A4GALT: variants seen among roughly 807,000 people sequenced by gnomAD.
A4GALT encodes the protein alpha 1,4-galactosyltransferase (P1PK blood group).
For synonymous variants in A4GALT, 257 were observed against 220.7 expected, an observed-to-expected ratio of 1.16 and a Z score of -1.46; for missense variants, 512 against 486.0, an observed-to-expected ratio of 1.05 and a Z score of -0.50.
chr22:42,702,103 C>G (rs183258602), intron 1 of A4GALT, among the ~76,000 whole-genome samples: 2 of 151,688 alleles, frequency 1.3e-5, no homozygotes, highest in Admixed American at 6.5e-5. Context: ...GTTGGTGTCT[C>G]TCTCTCTCTT....
chr22:42,692,962 G>T lies in A4GALT; in HGVS notation c.990C>A (p.Ser330=). The T allele has an allele frequency of 6.2e-7, 1 of 1,612,550 alleles. No individual in the cohort carries two copies. Residue 330 remains serine (S), a synonymous_variant, in exon 3 of 3, where the codon TCC becomes TCA. Coordinates refer to ENST00000642412, the MANE Select transcript of A4GALT (RefSeq NM_017436.7). This position sits in a 1 kb window ranked among gnomAD's most constrained non-coding sequence, Gnocchi z 4.6. ...KSQGTRFEAT[S]RALLAQLHAR... is the part of the protein sequence containing the mutation. The stretch of plus-strand genomic sequence containing the variant: ...CATGCAGCTGGGCCAGCAGTGCCCT[G>T]GACGTGGCCTCGAACCGCGTGCCCT...
intron 2 of A4GALT, chr22:42,694,782 C>G (rs1035815282): frequency 6.6e-6 from 1 of 152,180 alleles, no homozygotes; most frequent in Non-Finnish European, 1.5e-5. Context: ...GTCTTCCCAC[C>G]GACAGGATAG....
chr22:42,693,654 A>G lies in A4GALT; in HGVS notation c.298T>C (p.Ser100Pro). ...GATTCGGGGTGAGTTCTGGCGGCCG[A>G]CTCCACCGAGCACATGAACAGGAAG... ...PNFLFMCSVESAARTHPESHV... is the reference protein window; with the variant it reads ...PNFLFMCSVEPAARTHPESHV... Residue 100 changes from serine to proline, a missense_variant, in exon 3 of 3, where the codon TCG becomes CCG. Transcript: ENST00000642412. The G allele has an allele frequency of 1.3e-6, 2 of 1,598,992 alleles. No individual in the cohort carries two copies. Among genetic ancestry groups the G allele is most frequent in the Non-Finnish European group, 1.7e-6 (2 of 1,175,460 alleles).
chr22:42,701,923 C>T (rs28915370), intron 1 of A4GALT, among the ~76,000 whole-genome samples: 4 of 152,296 alleles, frequency 2.6e-5, no homozygotes, highest in South Asian at 4.1e-4. Flanking sequence ...TCCCACCCTA[C>T]GTAGTCCACA....
At chr22:42,696,957 CCAA>C (rs1447891849) in intron 1 of A4GALT, among the ~76,000 whole-genome samples, 1 of 151,314 alleles carries the variant, frequency 6.6e-6, no homozygotes, top group African/African-American at 2.4e-5. Flanking sequence ...CCCTGAAATT[CCAA>C]CTCCCCCCAT....
Position 42,694,126 on chromosome 22 carries a change from G to T in A4GALT, c.-46-129C>A, listed in dbSNP as rs1267856911. On this transcript the variant is annotated intron_variant, in intron 2 of 2. Transcript: ENST00000642412. ...GCCCATGGGCTCCTGGGCCCACAGG[G>T]GCCAAGGCTTGAACCCCAGCCTGCT... is the stretch of plus-strand genomic sequence containing the variant. 5 of 644,780 alleles carry T rather than the reference G, an allele frequency of 7.8e-6. No individual in the cohort carries two copies. In the African/African-American group the frequency reaches 9.1e-5, roughly 12 times the overall value. The allele number at this position is 644,780 out of a possible 1,614,324, so 39.9% of individuals were successfully genotyped here.
chr22:42,694,773 T>G (rs1352806519), intron 2 of A4GALT: 2 of 152,164 alleles, frequency 1.3e-5, no homozygotes, highest in African/African-American at 4.8e-5. Flanking sequence ...TGAGCCTCAG[T>G]CTTCCCACCG....
At chr22:42,709,932 A>C (rs1432905023) in intron 1 of A4GALT, among the ~76,000 whole-genome samples, 3 of 152,246 alleles carry the variant, frequency 2.0e-5, no homozygotes, top group Non-Finnish European at 4.4e-5. Context: ...AAAAATCATC[A>C]TCCCCAGTGA....
At position 42,720,792 on chromosome 22, in the gene A4GALT, C is replaced by G. The variant is rs988126352; in HGVS notation, c.-188+5G>C. On this transcript the variant is annotated splice_donor_5th_base_variant and intron_variant, in intron 1 of 2. Coordinates refer to ENST00000642412, the MANE Select transcript of A4GALT (RefSeq NM_017436.7). The stretch of plus-strand genomic sequence containing the variant: ...CCCCCGCAACATCGGCGCGGCCCCT[C>G]GTACCTCTAGCTCCAGCGGCGGCGG... The G allele has an allele frequency of 6.6e-6, 1 of 152,380 alleles. No individual in the cohort carries two copies. The highest frequency in any genetic ancestry group is 1.5e-5 in the Non-Finnish European group (1 of 67,978). 9.4% of individuals were successfully genotyped at this position (152,380 alleles called of 1,614,324 possible).
chr22:42,710,041 A>T (rs985905866), intron 1 of A4GALT, among the ~76,000 whole-genome samples: 7 of 152,140 alleles, frequency 4.6e-5, no homozygotes, highest in Admixed American at 3.3e-4. Flanking sequence ...GAAGCCAGGA[A>T]CCAGCTTCAT....
Position 42,693,444 on chromosome 22 carries a change from G to C in A4GALT, c.508C>G (p.Leu170Val). 6.2e-7 allele frequency: 1 copy of C among 1,613,308 alleles called. No individual in the cohort carries two copies. The highest frequency in any genetic ancestry group is 8.5e-7 in the Non-Finnish European group (1 of 1,179,978). ...GAGGCGTCGGAGAGCACGGGCAGCA[G>C]GTAGGGCTCCCAGCGCCCCTGCACG... ...AAVQGRWEPY[L>V]LPVLSDASRI... The change falls in exon 3 of 3, where the codon CTG (leucine) becomes GTG (valine). Residue 170 changes from leucine (L) to valine (V), a missense_variant. By Grantham distance (32) the Leu-to-Val change is conservative (BLOSUM62 1). Coordinates refer to ENST00000642412, the MANE Select transcript of A4GALT (RefSeq NM_017436.7).
chr22:42,720,882 G>T (rs1476463891), upstream of A4GALT: 3 of 143,082 alleles, frequency 2.1e-5, no homozygotes, highest in Non-Finnish European at 4.6e-5. Flanking sequence ...CCTGGGGCCC[G>T]GCGGGAGGCA....
In A4GALT at chr22:42,692,405, A is replaced by G. The variant is rs919349822; in HGVS notation, c.*485T>C. 2 of 287,144 alleles carry G rather than the reference A, an allele frequency of 7.0e-6. No individual in the cohort carries two copies. Among genetic ancestry groups the G allele is most frequent in the African/African-American group, 2.3e-5 (1 of 43,946 alleles). 17.8% of individuals were successfully genotyped at this position (287,144 alleles called of 1,614,324 possible). On this transcript the variant is annotated 3_prime_UTR_variant, in exon 3 of 3. Transcript: ENST00000642412. The surrounding 1 kb of genome is among the most constrained non-coding windows in gnomAD (Gnocchi z 4.6). Reference sequence around the variant, plus strand: ...CCTCCCCCACCCCCCGCGAAAGAGGAACCAAAACCAGAAAAGAACAAAGCA... The same window carrying G: ...CCTCCCCCACCCCCCGCGAAAGAGGGACCAAAACCAGAAAAGAACAAAGCA...
intron 1 of A4GALT, among the ~76,000 whole-genome samples, chr22:42,714,274 CAAAAAAAA>C (rs1163088658): frequency 5.6e-4 from 9 of 16,162 alleles, no homozygotes; most frequent in African/African-American, 1.3e-3. Context: ...GACTCTGTCT[CAAAAAAAA>C]AAAAAAAAAA....
chr22:42,710,096 A>G (rs1420477309), intron 1 of A4GALT, among the ~76,000 whole-genome samples: 1 of 152,194 alleles, frequency 6.6e-6, no homozygotes, highest in Non-Finnish European at 1.5e-5. Flanking sequence ...GGGCACTAAT[A>G]CTAAGCTCAG....
At chr22:42,704,281 G>A (rs904590902) in intron 1 of A4GALT, among the ~76,000 whole-genome samples, 1 of 152,080 alleles carries the variant, frequency 6.6e-6, no homozygotes, top group African/African-American at 2.4e-5. Context: ...AGGAGTTCAA[G>A]ACTAGCCTGC....
chr22:42,695,794 C>A (rs1458447766), intron 1 of A4GALT, among the ~76,000 whole-genome samples, 163 bp from the exon 2 acceptor site: 3 of 152,154 alleles, frequency 2.0e-5, no homozygotes, highest in Non-Finnish European at 4.4e-5. Flanking sequence ...AGGCCCTGCA[C>A]TGGTACCCAG....
chr22:42,709,054 T>A (rs5758883), intron 1 of A4GALT, among the ~76,000 whole-genome samples: 20,227 of 123,332 alleles, frequency 0.16, 2,304 homozygotes, highest in East Asian at 0.63. Flanking sequence ...TTTAAATATA[T>A]ATATATATAT....
intron 1 of A4GALT, among the ~76,000 whole-genome samples, chr22:42,702,400 G>C (rs1027800561): frequency 6.6e-6 from 1 of 151,466 alleles, no homozygotes; most frequent in African/African-American, 2.4e-5. Flanking sequence ...GAGTGCAGTG[G>C]TGCGATCTCG....
Sources: allele counts gnomAD v4.1 joint callset (sites outside exome capture counted in the v4.1 genomes callset), GRCh38; gene constraint gnomAD v4.1.1; non-coding constraint Gnocchi (gnomAD v3.1); transcripts MANE v1.5; gene names NCBI Gene and HGNC (gene_info 2026-07-23, HGNC 2026-07-21).